Variants in ADGRV1 observed in about 807,000 individuals in gnomAD.
ADGRV1 encodes the protein G-protein coupled receptor 98.
In ADGRV1, 359 loss-of-function variants were observed where a neutral mutation model predicts 596.2. The observed-to-expected ratio is 0.60, with a 90% confidence interval of 0.55 to 0.66. The LOEUF is 0.66. ADGRV1 is among the 30% of genes least tolerant of loss of function. The probability of loss-of-function intolerance (pLI) is 0.00; values close to 1 mark genes in which losing one functional copy is unlikely to be tolerated. For missense variants in ADGRV1, 7,274 were observed against 7,575.6 expected, an observed-to-expected ratio of 0.96 and a Z score of 1.48; for synonymous variants, 2,681 against 2,679.2, an observed-to-expected ratio of 1.00 and a Z score of -0.02.
intron 83 of ADGRV1, among the ~76,000 whole-genome samples, chr5:90,871,266 C>T (rs1768643986): frequency 6.6e-6 from 1 of 151,908 alleles, no homozygotes. Flanking sequence ...TTGAATTCCC[C>T]AAAAAAATAT....
chr5:90,991,615 A>C (rs967927089), intron 85 of ADGRV1, among the ~76,000 whole-genome samples: 5 of 152,144 alleles, frequency 3.3e-5, no homozygotes, highest in Admixed American at 3.3e-4. Context: ...GTATTTCAGC[A>C]TTATGTTTTA....
At chr5:90,749,364 GC>G (rs1242583892) in intron 52 of ADGRV1, among the ~76,000 whole-genome samples, 4 of 152,166 alleles carry the variant, frequency 2.6e-5, no homozygotes, top group Non-Finnish European at 5.9e-5. Flanking sequence ...AGGGCATGGA[GC>G]CAGAGAGAGC....
At chr5:90,813,374 G>T (rs2150241471) in intron 74 of ADGRV1, among the ~76,000 whole-genome samples, 1 of 152,118 alleles carries the variant, frequency 6.6e-6, no homozygotes, top group East Asian at 1.9e-4. Context: ...TTGTTGTCCT[G>T]GTTAGGGAAG....
intron 86 of ADGRV1, 93 bp downstream of exon 86, chr5:91,072,697 T>C: frequency 2.3e-6 from 3 of 1,316,506 alleles, no homozygotes; most frequent in Non-Finnish European, 3.2e-6. Flanking sequence ...AGAGGGAAGT[T>C]CGGCTCATCT....
chr5:91,068,468 CAA>C (rs112372907), intron 85 of ADGRV1, among the ~76,000 whole-genome samples: 2 of 125,286 alleles, frequency 1.6e-5, no homozygotes, highest in African/African-American at 2.9e-5. Context: ...GACTCCATCT[CAA>C]AAAAAAAAAA....
At chr5:91,046,462 G>A (rs1183785818) in intron 85 of ADGRV1, among the ~76,000 whole-genome samples, 7 of 152,156 alleles carry the variant, frequency 4.6e-5, no homozygotes, top group African/African-American at 1.7e-4. Context: ...CAAGTCACAT[G>A]TAGGAGGATG....
intron 38 of ADGRV1, among the ~76,000 whole-genome samples, chr5:90,708,511 ATAT>A (rs1375288456): frequency 6.6e-6 from 1 of 151,192 alleles, no homozygotes; most frequent in African/African-American, 2.4e-5. Flanking sequence ...TGTTTTGTTC[ATAT>A]TATGCTTAAA....
intron 28 of ADGRV1, 102 bp downstream of exon 28, chr5:90,684,297 A>G (rs1379836085): frequency 1.3e-5 from 14 of 1,118,236 alleles, no homozygotes; most frequent in Non-Finnish European, 1.6e-5. Flanking sequence ...AAAGTAGTAA[A>G]CTCTAACTTT....
intron 82 of ADGRV1, among the ~76,000 whole-genome samples, chr5:90,861,527 T>A (rs2438340): frequency 0.97 from 147,717 of 151,668 alleles, 71,997 homozygotes; most frequent in East Asian, 1. Flanking sequence ...GCCAGGATGG[T>A]CTCGATCTCC....
rs41311335 is a variant in ADGRV1, at chr5:90,683,706, G to T, written c.5785G>T (p.Ala1929Ser). Residue 1929 changes from alanine to serine, a missense_variant, in exon 28 of 90, where the codon GCC becomes TCC. Ala to Ser is a moderately conservative substitution (Grantham distance 99). Around this residue, in one of 5 missense-constraint regions of ADGRV1, gnomAD observed 3,643 missense variants for 3,809.2 expected, o/e 0.96. Coordinates refer to ENST00000405460, the MANE Select transcript of ADGRV1 (RefSeq NM_032119.4). ...CACATTTGAGATTGGGCAGACGAGC[G>T]CCAATATCACTGTGGAGATATTGCC... The part of the protein sequence containing the change: ...NITFEIGQTS[A>S]NITVEILPDE... 1,721 of 1,613,776 alleles carry T rather than the reference G, an allele frequency of 1.1e-3. 2 individuals carry two copies. The highest frequency in any genetic ancestry group is 1.4e-3 in the Non-Finnish European group (1,625 of 1,179,826).
At chr5:90,973,071 C>T (rs1290742090) in intron 84 of ADGRV1, among the ~76,000 whole-genome samples, 1 of 152,174 alleles carries the variant, frequency 6.6e-6, no homozygotes, top group East Asian at 1.9e-4. Flanking sequence ...ATACTATAAA[C>T]ACCTCTATGC....
intron 33 of ADGRV1, 111 bp from the exon 34 acceptor site, chr5:90,696,826 C>T: frequency 1.5e-6 from 1 of 673,012 alleles, no homozygotes; most frequent in Non-Finnish European, 2.5e-6. Flanking sequence ...TGTTATAATT[C>T]ACTCATATTT....
At position 90,672,735 on chromosome 5, in the gene ADGRV1, T is replaced by G; in HGVS notation, c.4929+13T>G. On this transcript the variant is annotated intron_variant, in intron 22 of 89. Transcript: ENST00000405460. ...GCAGAGATCAGAGGTAAACCCTACC[T>G]TTTTTGTTCCTTTGAAAGCCTCCTG... 6.4e-7 allele frequency: 1 copy of G among 1,565,852 alleles called. No homozygotes were observed. Among genetic ancestry groups the G allele is most frequent in the South Asian group, 1.2e-5 (1 of 82,382 alleles).
intron 83 of ADGRV1, among the ~76,000 whole-genome samples, chr5:90,901,977 T>C (rs1253500540): frequency 6.6e-6 from 1 of 152,024 alleles, no homozygotes; most frequent in Non-Finnish European, 1.5e-5. Context: ...TTTAGAGGCC[T>C]TTGCAGAAGT....
intron 59 of ADGRV1, 115 bp from the exon 60 acceptor site, chr5:90,774,070 CA>C: frequency 6.8e-6 from 3 of 438,730 alleles, no homozygotes; most frequent in Admixed American, 4.2e-5. Context: ...ATTCTAGTGA[CA>C]AAAAAGACAC....
intron 85 of ADGRV1, among the ~76,000 whole-genome samples, chr5:91,057,163 G>A (rs1324085008): frequency 6.6e-6 from 1 of 152,182 alleles, no homozygotes; most frequent in Non-Finnish European, 1.5e-5. Context: ...TACGAAAATT[G>A]TGTTGTTTAA....
rs551124128 is a variant in ADGRV1, at chr5:90,853,996, G to T, written c.17455-66G>T. On this transcript the variant is annotated intron_variant, in intron 80 of 89. Coordinates refer to ENST00000405460, the MANE Select transcript of ADGRV1 (RefSeq NM_032119.4). ...ACTAGAAAAATGAAGTCAAGTTCAG[G>T]GTAAGAGACTCAGTCATTACACCAA... 1.8e-5 allele frequency: 21 copies of T among 1,192,172 alleles called. No individual in the cohort carries two copies. In the East Asian group the frequency reaches 5.3e-4, roughly 30 times the overall value. The allele number at this position is 1,192,172 out of a possible 1,614,324, so 73.8% of individuals were successfully genotyped here. A position where few individuals can be genotyped will look rare whatever the true frequency, so the allele number is the denominator to read the frequency against.
intron 83 of ADGRV1, among the ~76,000 whole-genome samples, chr5:90,956,825 C>T (rs1334917799): frequency 6.6e-6 from 1 of 152,098 alleles, no homozygotes; most frequent in Non-Finnish European, 1.5e-5. Flanking sequence ...AGTCAACAGA[C>T]TTGGCTCAAG....
At chr5:90,903,232 C>A (rs1391778367) in intron 83 of ADGRV1, among the ~76,000 whole-genome samples, 1 of 152,022 alleles carries the variant, frequency 6.6e-6, no homozygotes, top group Non-Finnish European at 1.5e-5. Flanking sequence ...ATTTCCTAAT[C>A]TTTGTTCTTT....
Sources: allele counts gnomAD v4.1 joint callset (sites outside exome capture counted in the v4.1 genomes callset), GRCh38; gene constraint gnomAD v4.1.1; regional missense constraint gnomAD v4.1.1; transcripts MANE v1.5; gene names NCBI Gene and HGNC (gene_info 2026-07-23, HGNC 2026-07-21).